Variants in UBFD1 observed in about 807,000 individuals in gnomAD.
The protein encoded by UBFD1 is ubiquitin domain-containing protein UBFD1.
UBFD1 carries 12 observed loss-of-function variants against 35.1 expected under a neutral mutation model. The observed-to-expected ratio is 0.34, with a 90% CI of 0.22 to 0.55. The LOEUF is 0.55. Among genes scored for constraint, UBFD1 ranks in the 20% least tolerant of loss-of-function variants. UBFD1 has a pLI of 0.89. For synonymous variants in UBFD1, 178 were observed against 167.6 expected, an observed-to-expected ratio of 1.06 and a Z score of -0.48; for missense variants, 337 against 410.8, an observed-to-expected ratio of 0.82 and a Z score of 1.55.
In UBFD1 at chr16:23,572,382, C is replaced by T. The variant is rs191316008; in HGVS notation, c.*1792C>T. Reference sequence around the variant, plus strand: ...AGTACATCTGAGCTACTTGTCCAAGCCTCTGTCTGCAGGTGACAGGTTTTG... The same window carrying T: ...AGTACATCTGAGCTACTTGTCCAAGTCTCTGTCTGCAGGTGACAGGTTTTG... On this transcript the variant is annotated 3_prime_UTR_variant, in exon 7 of 7. Coordinates refer to ENST00000395878, the MANE Select transcript of UBFD1 (RefSeq NM_019116.3). 1 of 152,382 alleles carries T rather than the reference C, an allele frequency of 6.6e-6. No homozygotes were observed. The highest frequency in any genetic ancestry group is 1.5e-5 in the Non-Finnish European group (1 of 68,056). The allele number at this position is 152,382 out of a possible 1,614,324, so 9.4% of individuals were successfully genotyped here.
At chr16:23,559,363 G>A in intron 2 of UBFD1, 105 bp from the exon 3 acceptor site, 1 of 925,892 alleles carries the variant, frequency 1.1e-6, no homozygotes, top group South Asian at 1.7e-5. Flanking sequence ...AATAGGTGGT[G>A]GAGGCAGTAT....
rs780329421 is a variant in UBFD1 at position 23,562,171 on chromosome 16, A to G, written c.565-35A>G. 9 of 1,576,548 alleles carry G rather than the reference A, an allele frequency of 5.7e-6. No homozygotes were observed. In the East Asian group the frequency reaches 1.8e-4, roughly 31 times the overall value. On this transcript the variant is annotated intron_variant, in intron 3 of 6. Coordinates refer to ENST00000395878, the MANE Select transcript of UBFD1 (RefSeq NM_019116.3). The stretch of plus-strand genomic sequence containing the variant: ...AATAGTAACACGACGAAATGTAGTC[A>G]GCTGTTTCATTTCATTCTCTCTTCT...
At chr16:23,563,126 C>T (rs1031881897) in intron 5 of UBFD1, among the ~76,000 whole-genome samples, 1 of 151,436 alleles carries the variant, frequency 6.6e-6, no homozygotes, top group African/African-American at 2.4e-5. Flanking sequence ...TGATCTGGCC[C>T]TTTGGGGCCT....
At chr16:23,565,435 G>T (rs1268886144) in intron 5 of UBFD1, 1 of 152,236 alleles carries the variant, frequency 6.6e-6, no homozygotes, top group Non-Finnish European at 1.5e-5. Flanking sequence ...GATCAGGAGT[G>T]TGGGTCCAGA....
At position 23,567,008 on chromosome 16, in the gene UBFD1, T is replaced by C. The variant is rs1246994627; in HGVS notation, c.758T>C (p.Met253Thr). The change falls in exon 6 of 7, where the codon ATG (methionine) becomes ACG (threonine). Residue 253 changes from methionine (M) to threonine (T), a missense_variant. By Grantham distance (81) the Met-to-Thr change is moderately conservative (BLOSUM62 -1). Transcript: ENST00000395878. Reference protein sequence around the residue: ...GTKERTEKLPMGSIKNVVSEP... With the variant: ...GTKERTEKLPTGSIKNVVSEP... ...TTAGAGCGGACTGAGAAATTGCCCA[T>C]GGGCTCCATAAAAAATGTGGTCAGT... 1 of 1,614,184 alleles carries C rather than the reference T, an allele frequency of 6.2e-7. No individual in the cohort carries two copies. Among genetic ancestry groups the C allele is most frequent in the Non-Finnish European group, 8.5e-7 (1 of 1,180,038 alleles).
At chr16:23,561,950 A>G in intron 3 of UBFD1, 1 of 372,374 alleles carries the variant, frequency 2.7e-6, no homozygotes. Flanking sequence ...TCAGTTCCTC[A>G]GTCATAGTAG....
chr16:23,557,966 C>T lies in UBFD1; in HGVS notation c.42C>T (p.Gly14=), dbSNP rs781487584. The T allele has an allele frequency of 1.2e-5, 17 of 1,362,616 alleles. No homozygotes were observed. The highest frequency in any genetic ancestry group is 1.5e-5 in the African/African-American group (1 of 66,294). 84.4% of individuals were successfully genotyped at this position (1,362,616 alleles called of 1,614,324 possible). The change falls in exon 2 of 7, where the codon GGC becomes GGT. Residue 14 remains glycine, a synonymous_variant. Transcript: ENST00000395878. The part of the protein sequence containing the change: ...AGAPDGMEEP[G]MDTEAETVAT... ...CCCTTGCAGGCATGGAGGAACCTGG[C>T]ATGGACACGGAGGCCGAGACTGTGG...
intron 4 of UBFD1, 108 bp downstream of exon 4, chr16:23,562,379 TGAGACAGA>T: frequency 9.2e-7 from 1 of 1,084,842 alleles, no homozygotes; most frequent in Non-Finnish European, 1.3e-6. Flanking sequence ...TTTTTTTTTT[TGAGACAGA>T]GTCTTGCTCT....
chr16:23,562,413 G>A (rs1031108917), intron 4 of UBFD1, 142 bp downstream of exon 4: 1 of 865,432 alleles, frequency 1.2e-6, no homozygotes, highest in Non-Finnish European at 1.8e-6. Flanking sequence ...CCAGGCTGGG[G>A]TGTGCCACCA....
rs1379275518 is a variant in UBFD1, at chr16:23,571,610, A to C, written c.*1020A>C. The C allele has an allele frequency of 2.0e-5, 3 of 152,668 alleles. No individual in the cohort carries two copies. The highest frequency in any genetic ancestry group is 2.9e-5 in the Non-Finnish European group (2 of 68,054). The allele number at this position is 152,668 out of a possible 1,614,324, so 9.5% of individuals were successfully genotyped here. On this transcript the variant is annotated 3_prime_UTR_variant, in exon 7 of 7. Coordinates refer to ENST00000395878, the MANE Select transcript of UBFD1 (RefSeq NM_019116.3). ...TTCTTTCTTTGGAAGTTTTCAAGAA[A>C]TTCTTAAGCAGTCCAAGGATGATTT...
At chr16:23,559,867 G>T in intron 3 of UBFD1, 191 bp downstream of exon 3, 8 of 1,533,776 alleles carry the variant, frequency 5.2e-6, no homozygotes, top group Non-Finnish European at 7.0e-6. Flanking sequence ...CTCATCTGGC[G>T]GGTCAGTGTG....
At chr16:23,563,974 A>G (rs1965975872) in intron 5 of UBFD1, 1 of 152,186 alleles carries the variant, frequency 6.6e-6, no homozygotes, top group African/African-American at 2.4e-5. Context: ...GCTTCTGTTC[A>G]TAGAGCGCTT....
At chr16:23,559,316 G>C (rs1006776098) in intron 2 of UBFD1, 152 bp from the exon 3 acceptor site, 2 of 642,818 alleles carry the variant, frequency 3.1e-6, no homozygotes, top group Non-Finnish European at 5.4e-6. Context: ...TAGAAACTGA[G>C]GTTCAGAGGT....
chr16:23,558,332 C>G (rs1418210743), intron 2 of UBFD1, 53 bp downstream of exon 2: 1 of 1,584,172 alleles, frequency 6.3e-7, no homozygotes, highest in South Asian at 1.1e-5. Flanking sequence ...TCCTGATGGC[C>G]CTTGCACCCT....
At position 23,558,270 on chromosome 16, in the gene UBFD1, T is replaced by A; in HGVS notation, c.346T>A (p.Ser116Thr). Reference protein sequence around the residue: ...TGSELKQKIHSITGLPPAMQK... With the variant: ...TGSELKQKIHTITGLPPAMQK... ...CTCCGAGCTGAAACAGAAGATCCAC[T>A]CGATTACAGGTAATTCCTGTGGCGC... is the stretch of plus-strand genomic sequence containing the variant. Residue 116 changes from serine (S) to threonine (T), a missense_variant, in exon 2 of 7, where the codon TCG becomes ACG. Transcript: ENST00000395878. 6.3e-7 allele frequency: 1 copy of A among 1,598,388 alleles called. No individual in the cohort carries two copies. The highest frequency in any genetic ancestry group is 8.5e-7 in the Non-Finnish European group (1 of 1,173,066).
intron 3 of UBFD1, among the ~76,000 whole-genome samples, chr16:23,560,805 T>G (rs1262752445): frequency 6.6e-6 from 1 of 152,200 alleles, no homozygotes; most frequent in Non-Finnish European, 1.5e-5. Flanking sequence ...CTATATTAAT[T>G]ATCTAAAAGG....
At chr16:23,559,420 T>C in intron 2 of UBFD1, 48 bp from the exon 3 acceptor site, 1 of 1,546,870 alleles carries the variant, frequency 6.5e-7, no homozygotes, top group Non-Finnish European at 8.8e-7. Context: ...TCCATACATT[T>C]TTCTGTCCTT....
rs1425030647 is a variant in UBFD1 at position 23,571,418 on chromosome 16, G to A, written c.*828G>A. The A allele has an allele frequency of 1.3e-5, 2 of 152,402 alleles. No homozygotes were observed. The highest frequency in any genetic ancestry group is 3.8e-4 in the East Asian group (2 of 5,196). The allele number at this position is 152,402 out of a possible 1,614,324, so 9.4% of individuals were successfully genotyped here. On this transcript the variant is annotated 3_prime_UTR_variant, in exon 7 of 7. Coordinates refer to ENST00000395878, the MANE Select transcript of UBFD1 (RefSeq NM_019116.3). ...CAAGGAGTTCCATTGCTGGTTGGAT[G>A]ATTGTCTGCACCCCTCACTGAGCTT... is the stretch of plus-strand genomic sequence containing the variant.
chr16:23,558,261 A>G lies in UBFD1; in HGVS notation c.337A>G (p.Lys113Glu). The G allele has an allele frequency of 6.2e-7, 1 of 1,604,598 alleles. No homozygotes were observed. Among genetic ancestry groups the G allele is most frequent in the Non-Finnish European group, 8.5e-7 (1 of 1,175,836 alleles). Residue 113 changes from lysine (K) to glutamate (E), a missense_variant, in exon 2 of 7, where the codon AAG becomes GAG. Around this residue, in one of 4 missense-constraint regions of UBFD1, gnomAD observed 198 missense variants for 168.4 expected, o/e 1.18. Coordinates refer to ENST00000395878, the MANE Select transcript of UBFD1 (RefSeq NM_019116.3). Reference sequence around the variant, plus strand: ...CAGCACAGGCTCCGAGCTGAAACAGAAGATCCACTCGATTACAGGTAATTC... The same window carrying G: ...CAGCACAGGCTCCGAGCTGAAACAGGAGATCCACTCGATTACAGGTAATTC... ...LDSTGSELKQKIHSITGLPPA... is the reference protein window; with the variant it reads ...LDSTGSELKQEIHSITGLPPA...
Sources: gnomAD v4.1 joint callset for allele counts (sites outside exome capture counted in the v4.1 genomes callset) on GRCh38, gnomAD v4.1.1 for gene constraint, gnomAD v4.1.1 regional missense constraint, MANE v1.5 for transcripts, NCBI Gene and HGNC (gene_info 2026-07-23, HGNC 2026-07-21) for gene names.